GRID2: variants seen among roughly 807,000 people sequenced by gnomAD.
GRID2 encodes the protein glutamate ionotropic receptor delta type subunit 2, also known as glutamate receptor ionotropic, delta-2.
GRID2 carries 33 observed loss-of-function variants against 114.8 expected under a neutral mutation model. That is an observed-to-expected ratio of 0.29 (90% CI 0.22 to 0.38). GRID2 has a LOEUF of 0.38. GRID2 is among the 10% of genes least tolerant of loss of function. The pLI is 1.00. For missense variants in GRID2, 1,184 were observed against 1,257.7 expected (o/e 0.94, Z 0.89); for synonymous variants, 505 against 449.9 (o/e 1.12, Z -1.55).
chr4:92,649,223 A>G (rs1464470218), intron 2 of GRID2, among the ~76,000 whole-genome samples: 2 of 124,302 alleles, frequency 1.6e-5, no homozygotes, highest in East Asian at 2.4e-4. Context: ...CCATATGACT[A>G]TGGAGGTAGA....
intron 1 of GRID2, among the ~76,000 whole-genome samples, chr4:92,586,429 G>A (rs1728453982): frequency 6.6e-6 from 1 of 150,796 alleles, no homozygotes; most frequent in South Asian, 2.1e-4. Context: ...ATATCTATTA[G>A]GTTAAAAGAA....
At chr4:93,132,112 G>T (rs1031491844) in intron 4 of GRID2, among the ~76,000 whole-genome samples, 6 of 152,104 alleles carry the variant, frequency 3.9e-5, no homozygotes, top group African/African-American at 7.2e-5. Context: ...TAAATTAGAA[G>T]AACATTAGAA....
At chr4:92,462,184 A>G (rs938642552) in intron 1 of GRID2, among the ~76,000 whole-genome samples, 1 of 152,110 alleles carries the variant, frequency 6.6e-6, no homozygotes, top group Admixed American at 6.6e-5. Flanking sequence ...ATAGCATTAT[A>G]CAATTACAAC....
intron 1 of GRID2, among the ~76,000 whole-genome samples, chr4:92,386,438 C>T (rs1729963984): frequency 6.6e-6 from 1 of 151,736 alleles, no homozygotes; most frequent in Non-Finnish European, 1.5e-5. Context: ...TGTCAACATT[C>T]TCCATTTCCA....
At chr4:93,725,814 A>G (rs1026006238) in intron 14 of GRID2, among the ~76,000 whole-genome samples, 2 of 152,044 alleles carry the variant, frequency 1.3e-5, no homozygotes, top group Non-Finnish European at 2.9e-5. Flanking sequence ...TCCTTCGCCC[A>G]CTTGTTGATG....
At chr4:93,199,984 A>G (rs563133715) in intron 4 of GRID2, among the ~76,000 whole-genome samples, 2 of 152,290 alleles carry the variant, frequency 1.3e-5, no homozygotes, top group Admixed American at 6.5e-5. Context: ...TGTTTCAGAC[A>G]TAGTATTTAT....
intron 2 of GRID2, among the ~76,000 whole-genome samples, chr4:92,892,735 CAT>C (rs774912227): frequency 1.1e-4 from 16 of 152,276 alleles, no homozygotes; most frequent in Admixed American, 3.3e-4. Context: ...CTTGGGAACA[CAT>C]AATTTTTAAA....
intron 4 of GRID2, among the ~76,000 whole-genome samples, chr4:93,142,348 A>G (rs1214383800): frequency 1.3e-5 from 2 of 152,134 alleles, no homozygotes; most frequent in Admixed American, 6.6e-5. Flanking sequence ...TCATTTATGG[A>G]TGCTAGGAGG....
At chr4:93,209,258 C>T (rs1743172480) in intron 5 of GRID2, among the ~76,000 whole-genome samples, 1 of 151,984 alleles carries the variant, frequency 6.6e-6, no homozygotes, top group African/African-American at 2.4e-5. Flanking sequence ...CTACTCTCTT[C>T]CCTTCAGTAG....
At position 93,773,886 on chromosome 4, in the gene GRID2, T is replaced by C. The variant is rs1029625597; in HGVS notation, c.*1388T>C. ...TATAGAAGGATGACAGCAAAAACAG[T>C]GCCTCTTTGTGCACAATCCTTTTAA... On this transcript the variant is annotated 3_prime_UTR_variant, in exon 16 of 16. Coordinates refer to ENST00000282020, the MANE Select transcript of GRID2 (RefSeq NM_001510.4). The C allele has an allele frequency of 1.3e-5, 2 of 152,146 alleles. No individual in the cohort carries two copies. Among genetic ancestry groups the C allele is most frequent in the African/African-American group, 4.8e-5 (2 of 41,458 alleles). The allele number at this position is 152,146 out of a possible 1,614,324, so 9.4% of individuals were successfully genotyped here. A position where few individuals can be genotyped will look rare whatever the true frequency, so the allele number is the denominator to read the frequency against.
intron 14 of GRID2, among the ~76,000 whole-genome samples, chr4:93,763,189 T>G (rs1733358509): frequency 6.6e-6 from 1 of 152,062 alleles, no homozygotes; most frequent in African/African-American, 2.4e-5. Flanking sequence ...AGGGATATAA[T>G]GCTGTCCTCC....
chr4:92,951,178 A>G (rs1752005333), intron 2 of GRID2, among the ~76,000 whole-genome samples: 1 of 151,990 alleles, frequency 6.6e-6, no homozygotes, highest in Non-Finnish European at 1.5e-5. Context: ...ACTGTTTATT[A>G]TTTCCATGGT....
chr4:92,652,244 C>A (rs1435765758), intron 2 of GRID2, among the ~76,000 whole-genome samples: 2 of 151,972 alleles, frequency 1.3e-5, no homozygotes, highest in Non-Finnish European at 2.9e-5. Flanking sequence ...CTTCTTTACT[C>A]GGTCTACTGA....
intron 13 of GRID2, among the ~76,000 whole-genome samples, chr4:93,559,512 A>G (rs1413518355): frequency 6.6e-6 from 1 of 152,236 alleles, no homozygotes; most frequent in Non-Finnish European, 1.5e-5. Flanking sequence ...AGAAATGCAA[A>G]TCAAAACCAC....
chr4:93,523,638 G>C (rs1461294211), intron 13 of GRID2, among the ~76,000 whole-genome samples: 3 of 152,144 alleles, frequency 2.0e-5, no homozygotes, highest in Admixed American at 6.6e-5. Context: ...GATAAGATGA[G>C]TGTAGGTTGG....
intron 1 of GRID2, among the ~76,000 whole-genome samples, chr4:92,581,663 A>C (rs1337083548): frequency 2.0e-5 from 3 of 152,066 alleles, no homozygotes; most frequent in Non-Finnish European, 4.4e-5. Flanking sequence ...TCAAACATAA[A>C]TCTCTGGAGA....
intron 1 of GRID2, among the ~76,000 whole-genome samples, chr4:92,320,421 C>G (rs1357833663): frequency 6.6e-6 from 1 of 152,080 alleles, no homozygotes; most frequent in Non-Finnish European, 1.5e-5. Flanking sequence ...ATCTTTAGTT[C>G]CTGTGTCTAC....
intron 1 of GRID2, among the ~76,000 whole-genome samples, chr4:92,532,308 G>T (rs1307859294): frequency 6.6e-6 from 1 of 152,144 alleles, no homozygotes. Context: ...GGCCCTACAT[G>T]TATGCAAGAA....
intron 8 of GRID2, among the ~76,000 whole-genome samples, chr4:93,307,523 T>C (rs1228365931): frequency 1.3e-5 from 2 of 152,164 alleles, no homozygotes; most frequent in Non-Finnish European, 2.9e-5. Context: ...GACTTTTACC[T>C]TTCATTGTCT....
Sources: gnomAD v4.1 joint callset for allele counts (sites outside exome capture counted in the v4.1 genomes callset) on GRCh38, gnomAD v4.1.1 for gene constraint, MANE v1.5 for transcripts, NCBI Gene and HGNC (gene_info 2026-07-23, HGNC 2026-07-21) for gene names.